The following GULP1 variants were observed in gnomAD, a reference collection of about 807,000 sequenced individuals.
The protein encoded by GULP1 is GULP PTB domain containing engulfment adaptor 1.
A neutral mutation model predicts 40.9 loss-of-function variants in GULP1; 19 were observed. The ratio of observed to expected loss-of-function variants is 0.46; its 90% CI spans 0.32 to 0.68. The LOEUF is 0.68. GULP1 is among the 30% of genes least tolerant of loss of function. The pLI is 0.03. For missense variants in GULP1, 312 were observed against 362.2 expected, an observed-to-expected ratio of 0.86 and a Z score of 1.12; for synonymous variants, 119 against 117.6, an observed-to-expected ratio of 1.01 and a Z score of -0.08.
intron 1 of GULP1, among the ~76,000 whole-genome samples, chr2:188,365,494 T>C (rs1337284452): frequency 6.6e-6 from 1 of 152,170 alleles, no homozygotes; most frequent in African/African-American, 2.4e-5. Context: ...TATACCTGGT[T>C]GTCAGGTTGG....
chr2:188,582,604 C>A, intron 9 of GULP1: 1 of 439,882 alleles, frequency 2.3e-6, no homozygotes. Context: ...TATTATCCCA[C>A]TTATTTTGCT....
chr2:188,338,301 CAG>C (rs1362420058), intron 1 of GULP1, among the ~76,000 whole-genome samples: 9 of 139,044 alleles, frequency 6.5e-5, no homozygotes, highest in African/African-American at 2.4e-4. Context: ...TTTTTTGAGT[CAG>C]AGTCTCACTC....
chr2:188,418,670 A>G (rs576372919), intron 2 of GULP1, among the ~76,000 whole-genome samples: 78 of 152,254 alleles, frequency 5.1e-4, no homozygotes, highest in African/African-American at 1.9e-3. Context: ...TATAAAGTAC[A>G]TTTTGGCTTT....
intron 9 of GULP1, among the ~76,000 whole-genome samples, chr2:188,582,921 A>C (rs1411290823): frequency 3.3e-5 from 5 of 152,230 alleles, no homozygotes; most frequent in African/African-American, 1.2e-4. Context: ...CTTAGGACAG[A>C]AAGTGTAGTA....
chr2:188,311,873 T>C (rs1027272715), intron 1 of GULP1, among the ~76,000 whole-genome samples: 1 of 148,350 alleles, frequency 6.7e-6, no homozygotes, highest in Non-Finnish European at 1.5e-5. Flanking sequence ...TATAAATATA[T>C]ACACATTACA....
intron 1 of GULP1, among the ~76,000 whole-genome samples, chr2:188,312,928 T>A (rs2038421059): frequency 6.6e-6 from 1 of 152,112 alleles, no homozygotes; most frequent in Non-Finnish European, 1.5e-5. Flanking sequence ...TTTTGAGAAG[T>A]GTCTGTTCAT....
intron 1 of GULP1, among the ~76,000 whole-genome samples, chr2:188,361,932 A>T (rs1321020817): frequency 6.6e-6 from 1 of 152,034 alleles, no homozygotes; most frequent in Non-Finnish European, 1.5e-5. Flanking sequence ...TTCCAAATTT[A>T]ATTCTATTTC....
At chr2:188,379,465 T>G (rs1188925301) in intron 1 of GULP1, among the ~76,000 whole-genome samples, 1 of 152,186 alleles carries the variant, frequency 6.6e-6, no homozygotes, top group African/African-American at 2.4e-5. Flanking sequence ...GTTTTACATC[T>G]TATAAATATG....
At chr2:188,513,048 A>T (rs1303078618) in intron 4 of GULP1, among the ~76,000 whole-genome samples, 2 of 152,108 alleles carry the variant, frequency 1.3e-5, no homozygotes, top group Non-Finnish European at 2.9e-5. Flanking sequence ...CATCTGCCTA[A>T]ACAATAAGTA....
intron 7 of GULP1, among the ~76,000 whole-genome samples, chr2:188,546,701 A>G (rs1326436902): frequency 1.3e-5 from 2 of 152,022 alleles, no homozygotes; most frequent in Non-Finnish European, 2.9e-5. Flanking sequence ...CAGACGGAAG[A>G]TAAGATTAAT....
chr2:188,505,934 T>C (rs2063862644), intron 4 of GULP1, among the ~76,000 whole-genome samples: 1 of 151,826 alleles, frequency 6.6e-6, no homozygotes. Context: ...GTTGACCAAC[T>C]GCATGACCTT....
chr2:188,559,915 A>T (rs1362926486), intron 7 of GULP1, among the ~76,000 whole-genome samples: 1 of 151,988 alleles, frequency 6.6e-6, no homozygotes. Context: ...AGGGGTTTTC[A>T]CTTTTGCATC....
intron 2 of GULP1, among the ~76,000 whole-genome samples, chr2:188,387,899 C>T (rs1326512935): frequency 6.6e-6 from 1 of 151,686 alleles, no homozygotes; most frequent in Non-Finnish European, 1.5e-5. Context: ...TATTATTATA[C>T]TTTAAGTTTT....
intron 1 of GULP1, among the ~76,000 whole-genome samples, chr2:188,304,686 T>C (rs1245506667): frequency 6.6e-6 from 1 of 152,216 alleles, no homozygotes. Flanking sequence ...TCCTTCTTTT[T>C]TGTCCCTCTG....
rs555694078 is a variant in GULP1, at chr2:188,400,997, T to C, written c.-45+17108T>C. Among the ~76,000 whole-genome samples the C allele has an allele frequency of 1.2e-3, 187 of 150,760 alleles. 1 individual carries two copies. The highest frequency in any genetic ancestry group is 4.1e-3 in the African/African-American group (169 of 41,132). ...AGGGAGAGAGAGGGTAAATAATGAATCAGTTTTGGATATTTCTTTTAGTTT... is the reference window on the plus strand; with the variant it reads ...AGGGAGAGAGAGGGTAAATAATGAACCAGTTTTGGATATTTCTTTTAGTTT... On this transcript the variant is annotated intron_variant, in intron 2 of 11. Transcript: ENST00000409830.
At chr2:188,476,914 G>A (rs1163960939) in intron 2 of GULP1, among the ~76,000 whole-genome samples, 4 of 151,984 alleles carry the variant, frequency 2.6e-5, no homozygotes, top group Admixed American at 6.6e-5. Context: ...TTTTTTACAC[G>A]AAGTCATTAA....
At chr2:188,584,128 T>A in intron 9 of GULP1, 137 bp from the exon 10 acceptor site, 1 of 555,496 alleles carries the variant, frequency 1.8e-6, no homozygotes, top group East Asian at 2.9e-5. Context: ...ACTTAACTAT[T>A]TTTGGTCTAC....
chr2:188,309,412 G>A (rs1464146242), intron 1 of GULP1, among the ~76,000 whole-genome samples: 2 of 150,728 alleles, frequency 1.3e-5, no homozygotes, highest in African/African-American at 4.9e-5. Flanking sequence ...GCTGCAGTGA[G>A]CCGAGATCAC....
chr2:188,404,481 C>G (rs2052768358), intron 2 of GULP1, among the ~76,000 whole-genome samples: 1 of 152,082 alleles, frequency 6.6e-6, no homozygotes, highest in South Asian at 2.1e-4. Flanking sequence ...TGGGTTTTGC[C>G]TCGGATCTGA....
Sources: allele counts gnomAD v4.1 joint callset (sites outside exome capture counted in the v4.1 genomes callset), GRCh38; gene constraint gnomAD v4.1.1; transcripts MANE v1.5; gene names NCBI Gene and HGNC (gene_info 2026-07-23, HGNC 2026-07-21).